Variants in NRG3 observed in about 807,000 individuals in gnomAD.
NRG3 encodes neuregulin 3.
In NRG3, 31 loss-of-function variants were observed where a neutral mutation model predicts 66.9. That is an observed-to-expected ratio of 0.46 (90% CI 0.35 to 0.63). The LOEUF is 0.63. Ranked by LOEUF, NRG3 falls within the 20% of genes least tolerant of loss-of-function variation. NRG3 has a pLI of 0.00. For missense variants in NRG3, 910 were observed against 878.9 expected (o/e 1.04, Z -0.45); for synonymous variants, 393 against 359.4 (o/e 1.09, Z -1.06).
At chr10:82,645,381 G>C (rs1199502780) in intron 2 of NRG3, among the ~76,000 whole-genome samples, 1 of 152,186 alleles carries the variant, frequency 6.6e-6, no homozygotes, top group Admixed American at 6.6e-5. Flanking sequence ...CCTTGTGACA[G>C]TCACTGTCTT....
intron 1 of NRG3, among the ~76,000 whole-genome samples, chr10:82,048,685 A>G (rs923029930): frequency 2.6e-5 from 4 of 152,038 alleles, no homozygotes; most frequent in African/African-American, 9.7e-5. Context: ...TCACAATTAA[A>G]ATAATTAGAA....
chr10:82,325,349 T>A (rs2081812444), intron 1 of NRG3, among the ~76,000 whole-genome samples: 1 of 152,004 alleles, frequency 6.6e-6, no homozygotes. Flanking sequence ...GCCTGGCTAA[T>A]TTTTTTGTTT....
intron 2 of NRG3, among the ~76,000 whole-genome samples, chr10:82,608,391 C>T (rs947700487): frequency 3.3e-5 from 5 of 151,972 alleles, no homozygotes; most frequent in South Asian, 4.2e-4. Flanking sequence ...CCCGTGTAGA[C>T]GTCTGTGTCT....
chr10:82,936,764 A>G (rs1848111023), intron 4 of NRG3, among the ~76,000 whole-genome samples: 1 of 152,218 alleles, frequency 6.6e-6, no homozygotes, highest in Non-Finnish European at 1.5e-5. Context: ...TATATTTAAA[A>G]AAATTAAAAA....
chr10:82,569,061 C>T (rs1419172482), intron 2 of NRG3, among the ~76,000 whole-genome samples: 5 of 151,664 alleles, frequency 3.3e-5, no homozygotes, highest in Non-Finnish European at 7.4e-5. Context: ...TCCGTTAACT[C>T]TTATTTTGCT....
At chr10:82,021,447 G>T (rs564216045) in intron 1 of NRG3, among the ~76,000 whole-genome samples, 1 of 152,102 alleles carries the variant, frequency 6.6e-6, no homozygotes, top group Non-Finnish European at 1.5e-5. Context: ...ATCAAGTAGA[G>T]AGCTGGTTAC....
At position 82,688,707 on chromosome 10, in the gene NRG3, G is replaced by A. The variant is rs117561408; in HGVS notation, c.954-49870G>A. The stretch of plus-strand genomic sequence containing the variant: ...TAAATTAGAATTTTATTAGGTAGCA[G>A]TTTTATAAATCATGTAGTTTAGAAT... On this transcript the variant is annotated intron_variant, in intron 2 of 8. Transcript: ENST00000372141. 9.3e-3 allele frequency among the ~76,000 whole-genome samples: 1,403 copies of A among 151,274 alleles called. 14 individuals carry two copies. Among genetic ancestry groups the A allele is most frequent in the Non-Finnish European group, 0.014 (940 of 67,840 alleles).
At chr10:82,970,975 G>A (rs1851669847) in intron 6 of NRG3, among the ~76,000 whole-genome samples, 1 of 152,180 alleles carries the variant, frequency 6.6e-6, no homozygotes, top group African/African-American at 2.4e-5. Context: ...TGTACAAGAA[G>A]CATGGTGCCA....
At chr10:82,276,135 A>G (rs1244837307) in intron 1 of NRG3, among the ~76,000 whole-genome samples, 2 of 151,998 alleles carry the variant, frequency 1.3e-5, no homozygotes, top group African/African-American at 4.8e-5. Flanking sequence ...CAAAGTACAT[A>G]TCATGGCTAA....
At chr10:82,590,343 A>T (rs2046910913) in intron 2 of NRG3, among the ~76,000 whole-genome samples, 1 of 152,342 alleles carries the variant, frequency 6.6e-6, no homozygotes, top group Non-Finnish European at 1.5e-5. Context: ...AGGGTAATTT[A>T]TTATGAGACA....
chr10:82,076,936 G>C (rs1258458013), intron 1 of NRG3, among the ~76,000 whole-genome samples: 8 of 152,172 alleles, frequency 5.3e-5, no homozygotes, highest in African/African-American at 1.9e-4. Flanking sequence ...ATGTGTCCTT[G>C]ATTGCTTCAT....
intron 2 of NRG3, among the ~76,000 whole-genome samples, chr10:82,694,035 G>A (rs1225155750): frequency 1.3e-5 from 2 of 152,110 alleles, no homozygotes; most frequent in South Asian, 2.1e-4. Flanking sequence ...AGTGCTGATT[G>A]GTGCATTTTT....
chr10:82,984,715 G>T (rs1853275751), intron 8 of NRG3: 8 of 1,492,994 alleles, frequency 5.4e-6, no homozygotes, highest in Non-Finnish European at 7.3e-6. Context: ...TGCCATTATG[G>T]GTGTCCTGTT....
chr10:82,055,772 T>C (rs2063817013), intron 1 of NRG3, among the ~76,000 whole-genome samples: 1 of 152,066 alleles, frequency 6.6e-6, no homozygotes, highest in Admixed American at 6.6e-5. Flanking sequence ...GGAGTTAATA[T>C]GCAACAATCT....
rs145011236 is a variant in NRG3 at position 81,964,858 on chromosome 10, A to G, written c.823+88695A>G. ...AGGTGTCCCATATTTTTCCGTGCTTATTGAGCATTTGTATTTCATCTTCTG... is the reference window on the plus strand; with the variant it reads ...AGGTGTCCCATATTTTTCCGTGCTTGTTGAGCATTTGTATTTCATCTTCTG... On this transcript the variant is annotated intron_variant, in intron 1 of 8. Transcript: ENST00000372141. Among the ~76,000 whole-genome samples the G allele has an allele frequency of 2.2e-3, 328 of 152,154 alleles. 1 individual carries two copies. Among genetic ancestry groups the G allele is most frequent in the African/African-American group, 6.9e-3 (286 of 41,502 alleles).
chr10:82,697,867 TCAG>T (rs2055520666), intron 2 of NRG3, among the ~76,000 whole-genome samples: 1 of 152,058 alleles, frequency 6.6e-6, no homozygotes, highest in African/African-American at 2.4e-5. Flanking sequence ...CTGGGACCCG[TCAG>T]TATCTGCCTT....
intron 1 of NRG3, among the ~76,000 whole-genome samples, chr10:82,287,297 C>T (rs1056328093): frequency 2.0e-5 from 3 of 152,046 alleles, no homozygotes; most frequent in East Asian, 3.9e-4. Flanking sequence ...TGCCTGTTTT[C>T]GCCTGTGACT....
intron 2 of NRG3, among the ~76,000 whole-genome samples, chr10:82,519,345 T>C (rs1028727281): frequency 1.3e-5 from 2 of 152,162 alleles, no homozygotes; most frequent in Admixed American, 1.3e-4. Flanking sequence ...GATGTGAAAT[T>C]TCATCACCTG....
intron 1 of NRG3, among the ~76,000 whole-genome samples, chr10:82,349,668 C>T (rs367663252): frequency 1.3e-5 from 2 of 151,926 alleles, no homozygotes; most frequent in South Asian, 2.1e-4. Context: ...CCCAACCTCG[C>T]TGCCGCCTTG....
Sources: allele counts gnomAD v4.1 joint callset (sites outside exome capture counted in the v4.1 genomes callset), GRCh38; gene constraint gnomAD v4.1.1; transcripts MANE v1.5; gene names NCBI Gene and HGNC (gene_info 2026-07-23, HGNC 2026-07-21).